Variants in FILIP1L observed in about 807,000 individuals in gnomAD.
FILIP1L encodes filamin A-interacting protein 1-like.
Under a neutral mutation model 96.6 loss-of-function variants are expected in FILIP1L, and 55 were observed. The ratio of observed to expected loss-of-function variants is 0.57; its 90% CI spans 0.46 to 0.71. FILIP1L has a LOEUF of 0.71. Among genes scored for constraint, FILIP1L ranks in the 30% least tolerant of loss-of-function variants. The pLI is 0.00. For synonymous variants in FILIP1L, 467 were observed against 473.9 expected, an observed-to-expected ratio of 0.99 and a Z score of 0.19; for missense variants, 1,304 against 1,321.2, an observed-to-expected ratio of 0.99 and a Z score of 0.20.
intron 1 of FILIP1L, among the ~76,000 whole-genome samples, chr3:100,018,735 CAAA>C (rs61527233): frequency 3.9e-4 from 47 of 120,160 alleles, no homozygotes; most frequent in Admixed American, 5.0e-4. Context: ...TTCCGCATAG[CAAA>C]AAAAAAAAAA....
chr3:99,872,518 C>T (rs904833654), intron 4 of FILIP1L, among the ~76,000 whole-genome samples: 1 of 152,148 alleles, frequency 6.6e-6, no homozygotes, highest in Middle Eastern at 3.4e-3. Flanking sequence ...TCCTGTCTGT[C>T]CCAATCATAC....
intron 4 of FILIP1L, among the ~76,000 whole-genome samples, chr3:99,877,430 G>GCA (rs1350881333): frequency 6.6e-6 from 1 of 152,044 alleles, no homozygotes; most frequent in Non-Finnish European, 1.5e-5. Context: ...AAGATGCAGG[G>GCA]CACAACATTA....
At chr3:100,014,602 A>AT (rs1192627493) in intron 1 of FILIP1L, among the ~76,000 whole-genome samples, 2 of 151,928 alleles carry the variant, frequency 1.3e-5, no homozygotes, top group Non-Finnish European at 2.9e-5. Flanking sequence ...GATGTTAAAC[A>AT]TTTTTTCATA....
In FILIP1L at chr3:99,929,995, T is replaced by G; in HGVS notation, c.287A>C (p.Glu96Ala). ...RDEVIGILKA[E>A]KMDLALLEAQ... ...TTCCAGCAAAGCCAGGTCCATTTTT[T>G]CAGCCTTTAAAATGCCTATGACCTC... is the stretch of plus-strand genomic sequence containing the variant. Residue 96 changes from glutamate (E) to alanine (A), a missense_variant, in exon 3 of 6, where the codon GAA (glutamate) becomes GCA (alanine). By Grantham distance (107) the Glu-to-Ala change is moderately radical (BLOSUM62 -1). Coordinates refer to ENST00000477258, the MANE Select transcript of FILIP1L (RefSeq NM_001387850.1). 1 of 1,613,824 alleles carries G rather than the reference T, an allele frequency of 6.2e-7. No individual in the cohort carries two copies.
intron 1 of FILIP1L, among the ~76,000 whole-genome samples, chr3:100,083,542 G>A (rs964058238): frequency 1.3e-5 from 2 of 152,166 alleles, no homozygotes; most frequent in South Asian, 2.1e-4. Flanking sequence ...ACATTTTCCC[G>A]TCTTGTCTCT....
chr3:100,077,109 G>T (rs1448800611), intron 1 of FILIP1L, among the ~76,000 whole-genome samples: 1 of 152,170 alleles, frequency 6.6e-6, no homozygotes, highest in African/African-American at 2.4e-5. Flanking sequence ...GCTGTGTTTT[G>T]CATTTAGCGT....
At chr3:100,032,531 C>G (rs1215902557) in intron 1 of FILIP1L, among the ~76,000 whole-genome samples, 1 of 152,120 alleles carries the variant, frequency 6.6e-6, no homozygotes, top group Non-Finnish European at 1.5e-5. Flanking sequence ...CCGAATTCCC[C>G]TTTCGCAAAA....
intron 1 of FILIP1L, among the ~76,000 whole-genome samples, chr3:99,990,791 A>G (rs1310415417): frequency 1.3e-5 from 2 of 152,314 alleles, no homozygotes; most frequent in Non-Finnish European, 1.5e-5. Flanking sequence ...ATAAAAAAAA[A>G]TACCTTTCTG....
chr3:99,856,626 G>C (rs1943980154), intron 4 of FILIP1L, among the ~76,000 whole-genome samples: 1 of 152,110 alleles, frequency 6.6e-6, no homozygotes, highest in Non-Finnish European at 1.5e-5. Context: ...ACTTACTGTG[G>C]TTTATCACTA....
In FILIP1L at chr3:99,851,080, G is replaced by T. The variant is rs1447628945; in HGVS notation, c.606-10C>A. 1 of 1,560,088 alleles carries T rather than the reference G, an allele frequency of 6.4e-7. No individual in the cohort carries two copies. Among genetic ancestry groups the T allele is most frequent in the Admixed American group, 2.0e-5 (1 of 50,610 alleles). ...AATTAGCTTCTTTAATCTGAAAAAT[G>T]TAAAGTGCATTTTATTTTGTGATTG... On this transcript the variant is annotated splice_polypyrimidine_tract_variant and intron_variant, in intron 4 of 5. Transcript: ENST00000477258.
intron 4 of FILIP1L, among the ~76,000 whole-genome samples, chr3:99,911,939 CT>C (rs1014756089): frequency 2.6e-5 from 4 of 151,396 alleles, no homozygotes; most frequent in African/African-American, 4.9e-5. Flanking sequence ...TTCGTTCTCT[CT>C]TTTTTTTTCC....
intron 4 of FILIP1L, among the ~76,000 whole-genome samples, chr3:99,914,497 A>G (rs1403904289): frequency 6.6e-6 from 1 of 152,186 alleles, no homozygotes; most frequent in Non-Finnish European, 1.5e-5. Context: ...AGTCTGATTC[A>G]TGTCATTAAC....
intron 4 of FILIP1L, among the ~76,000 whole-genome samples, chr3:99,879,603 T>A (rs1262496708): frequency 6.6e-6 from 1 of 152,194 alleles, no homozygotes; most frequent in Admixed American, 6.5e-5. Flanking sequence ...GAAGCAGTAA[T>A]TAATAGGATG....
chr3:100,035,957 G>A (rs897915967), intron 1 of FILIP1L, among the ~76,000 whole-genome samples: 7 of 152,178 alleles, frequency 4.6e-5, no homozygotes, highest in African/African-American at 1.7e-4. Context: ...ATGAGACATA[G>A]TCCTTATTCT....
intron 4 of FILIP1L, among the ~76,000 whole-genome samples, chr3:99,888,898 G>A (rs1245575735): frequency 6.6e-6 from 1 of 152,018 alleles, no homozygotes; most frequent in African/African-American, 2.4e-5. Context: ...GTTTAGAATT[G>A]TGCTTCTTAA....
intron 4 of FILIP1L, among the ~76,000 whole-genome samples, chr3:99,867,711 C>G (rs535663317): frequency 1.3e-5 from 2 of 152,264 alleles, no homozygotes; most frequent in South Asian, 2.1e-4. Flanking sequence ...ATACTCCCAA[C>G]AATCTTTAGA....
chr3:100,022,121 T>C (rs777715209), intron 1 of FILIP1L, among the ~76,000 whole-genome samples: 4 of 152,118 alleles, frequency 2.6e-5, no homozygotes, highest in African/African-American at 7.2e-5. Context: ...TAAATAAAAA[T>C]AGAGGGAAGC....
intron 1 of FILIP1L, among the ~76,000 whole-genome samples, chr3:99,995,721 C>T (rs2107147197): frequency 6.6e-6 from 1 of 152,348 alleles, no homozygotes; most frequent in Admixed American, 6.5e-5. Flanking sequence ...TCTGTGCACT[C>T]ACAGGTTCAA....
At chr3:99,840,385 G>A (rs1379561275) in intron 5 of FILIP1L, among the ~76,000 whole-genome samples, 3 of 151,736 alleles carry the variant, frequency 2.0e-5, no homozygotes, top group South Asian at 2.1e-4. Flanking sequence ...CACCATGCCC[G>A]GCTAATTTTT....
Sources: gnomAD v4.1 joint callset for allele counts (sites outside exome capture counted in the v4.1 genomes callset) on GRCh38, gnomAD v4.1.1 for gene constraint, MANE v1.5 for transcripts, NCBI Gene and HGNC (gene_info 2026-07-23, HGNC 2026-07-21) for gene names.